Variants in ACAD11 observed in about 807,000 individuals in gnomAD.
ACAD11 encodes the protein acyl-CoA dehydrogenase family member 11, also known as acyl-Coenzyme A dehydrogenase family, member 11.
In ACAD11, 83 loss-of-function variants were observed where a neutral mutation model predicts 102.2. The observed-to-expected ratio is 0.81, with a 90% CI of 0.68 to 0.97. The LOEUF (loss-of-function observed/expected upper bound fraction) is 0.97. ACAD11 is among the 50% of genes least tolerant of loss of function. The probability of loss-of-function intolerance (pLI) is 0.00; values close to 1 mark genes in which losing one functional copy is unlikely to be tolerated. For missense variants in ACAD11, 901 were observed against 951.7 expected, an observed-to-expected ratio of 0.95 and a Z score of 0.70; for synonymous variants, 324 against 319.8, an observed-to-expected ratio of 1.01 and a Z score of -0.14.
intron 13 of ACAD11, among the ~76,000 whole-genome samples, chr3:132,588,794 A>C (rs1437047958): frequency 6.6e-6 from 1 of 152,164 alleles, no homozygotes; most frequent in East Asian, 1.9e-4. Flanking sequence ...CAGTAACTCT[A>C]TTTGGCTTTC....
chr3:132,647,296 A>G (rs1940751498), intron 1 of ACAD11: 1 of 152,200 alleles, frequency 6.6e-6, no homozygotes. Flanking sequence ...TGGTCTCAAT[A>G]TAAGAATCAT....
intron 13 of ACAD11, among the ~76,000 whole-genome samples, chr3:132,587,382 G>A (rs1937887334): frequency 6.6e-6 from 1 of 151,854 alleles, no homozygotes; most frequent in African/African-American, 2.4e-5. Flanking sequence ...TCTTTCCTCT[G>A]TTATCTCCAT....
intron 11 of ACAD11, among the ~76,000 whole-genome samples, chr3:132,612,371 A>T (rs1420056345): frequency 1.3e-5 from 2 of 152,104 alleles, no homozygotes; most frequent in Admixed American, 1.3e-4. Context: ...CAAAATTGAC[A>T]AATGGGATCT....
intron 11 of ACAD11, among the ~76,000 whole-genome samples, chr3:132,613,880 G>A (rs774081604): frequency 6.6e-6 from 1 of 151,870 alleles, no homozygotes; most frequent in Non-Finnish European, 1.5e-5. Context: ...GCTTGGGCGA[G>A]ACGAGTGAGA....
chr3:132,604,058 C>T (rs994410960), intron 12 of ACAD11, among the ~76,000 whole-genome samples: 3 of 152,084 alleles, frequency 2.0e-5, no homozygotes, highest in Non-Finnish European at 4.4e-5. Context: ...ACAATACATC[C>T]TACTGTAGGT....
intron 11 of ACAD11, among the ~76,000 whole-genome samples, chr3:132,613,236 G>A (rs1420542939): frequency 4.1e-5 from 6 of 146,216 alleles, no homozygotes; most frequent in Non-Finnish European, 4.5e-5. Context: ...TGGGGTGGGG[G>A]AAGGGGGGAG....
chr3:132,658,842 T>C (rs969299548), intron 1 of ACAD11, among the ~76,000 whole-genome samples: 1 of 152,180 alleles, frequency 6.6e-6, no homozygotes, highest in African/African-American at 2.4e-5. Context: ...GGTATTTCAT[T>C]TCATTAATAA....
intron 6 of ACAD11, 66 bp from the exon 7 acceptor site, chr3:132,630,624 GA>G: frequency 7.1e-7 from 1 of 1,407,618 alleles, no homozygotes; most frequent in Admixed American, 2.1e-5. Context: ...AAAATGTTAT[GA>G]GACTGAGACG....
intron 4 of ACAD11, among the ~76,000 whole-genome samples, chr3:132,641,671 A>G (rs201483630): frequency 1.6e-5 from 2 of 124,688 alleles, no homozygotes; most frequent in Non-Finnish European, 1.6e-5. Flanking sequence ...AGGAGGAAGA[A>G]GAGGAAGAGG....
chr3:132,607,945 G>C (rs965268944), intron 11 of ACAD11, among the ~76,000 whole-genome samples: 5 of 152,182 alleles, frequency 3.3e-5, no homozygotes, highest in Non-Finnish European at 7.3e-5. Context: ...CTACAAACCA[G>C]AAGAGAGTGG....
intron 13 of ACAD11, among the ~76,000 whole-genome samples, chr3:132,592,553 C>T (rs1938123188): frequency 6.6e-6 from 1 of 151,972 alleles, no homozygotes; most frequent in Non-Finnish European, 1.5e-5. Context: ...CATTTTCTAA[C>T]AAAAGGAGAG....
chr3:132,645,407 A>G (rs896588171), intron 1 of ACAD11, among the ~76,000 whole-genome samples: 2 of 152,168 alleles, frequency 1.3e-5, no homozygotes, highest in African/African-American at 2.4e-5. Flanking sequence ...TCCCACAGTG[A>G]GCATCTGGCC....
rs752538357 is a variant in ACAD11, at chr3:132,659,757, C to T, written c.-6G>A. The T allele has an allele frequency of 1.3e-6, 2 of 1,583,904 alleles. No homozygotes were observed. Among genetic ancestry groups the T allele is most frequent in the Non-Finnish European group, 1.7e-6 (2 of 1,164,606 alleles). ...CCAGTAGCACCTGGCTTCATGATCA[C>T]CCCCGCAGGCCACAGCAACGCGGCA... On this transcript the variant is annotated 5_prime_UTR_variant, in exon 1 of 20. In the 5' UTR this introduces an upstream ATG that the reference lacks. Transcript: ENST00000264990.
intron 13 of ACAD11, among the ~76,000 whole-genome samples, chr3:132,590,992 G>A (rs1401523544): frequency 6.6e-6 from 1 of 152,186 alleles, no homozygotes; most frequent in African/African-American, 2.4e-5. Flanking sequence ...TTGCTATGCA[G>A]AAGCTCTTAA....
At position 132,639,948 on chromosome 3, in the gene ACAD11, GA is replaced by G. The variant is rs1247405315; in HGVS notation, c.538-293del. 4.7e-5 allele frequency among the ~76,000 whole-genome samples: 7 copies of G among 147,622 alleles called. No homozygotes were observed. The East Asian group carries it at 9.9e-4, about 21-fold the overall frequency. ...TTTATTCAGCAACTACTTTGTAGAA[GA>G]AAAAAAAAGAATGCATACAAACACA... On this transcript the variant is annotated intron_variant, in intron 4 of 19. Transcript: ENST00000264990.
intron 12 of ACAD11, among the ~76,000 whole-genome samples, chr3:132,604,107 G>A (rs1380487649): frequency 6.6e-6 from 1 of 152,160 alleles, no homozygotes; most frequent in African/African-American, 2.4e-5. Flanking sequence ...ACGGAGATCA[G>A]TTCTGCTATT....
At chr3:132,596,463 T>A (rs1340080785) in intron 13 of ACAD11, among the ~76,000 whole-genome samples, 2 of 151,980 alleles carry the variant, frequency 1.3e-5, no homozygotes, top group African/African-American at 4.8e-5. Context: ...AAAAATGGCA[T>A]GGGTCTGAAA....
At chr3:132,624,138 C>T (rs1939711199) in intron 9 of ACAD11, among the ~76,000 whole-genome samples, 1 of 151,384 alleles carries the variant, frequency 6.6e-6, no homozygotes, top group African/African-American at 2.4e-5. Flanking sequence ...GACCAGGTCT[C>T]TACAAAAAAA....
At position 132,619,467 on chromosome 3, in the gene ACAD11, C is replaced by T; in HGVS notation, c.1275+1G>A. The T allele has an allele frequency of 1.9e-6, 3 of 1,572,594 alleles. No individual in the cohort carries two copies. The highest frequency in any genetic ancestry group is 2.3e-5 in the East Asian group (1 of 43,090). ...TTTTCTAGCGTTAAAGATTTTCTTA[C>T]CTTGAGTTTATCAATCACTAAAGGT... On this transcript the variant is annotated splice_donor_variant, in intron 10 of 19. Coordinates refer to ENST00000264990, the MANE Select transcript of ACAD11 (RefSeq NM_032169.5). LOFTEE classifies it high-confidence loss of function.
Sources: gnomAD v4.1 joint callset for allele counts (sites outside exome capture counted in the v4.1 genomes callset) on GRCh38, gnomAD v4.1.1 for gene constraint, MANE v1.5 for transcripts, NCBI Gene and HGNC (gene_info 2026-07-23, HGNC 2026-07-21) for gene names.